The following ZNF385B variants were observed in gnomAD, a reference collection of about 807,000 sequenced individuals.
The protein encoded by ZNF385B is zinc finger protein 385B, also known as zinc finger protein 533.
ZNF385B carries 23 observed loss-of-function variants against 39.2 expected under a neutral mutation model. That is an observed-to-expected ratio of 0.59 (90% CI 0.42 to 0.83). The LOEUF is 0.83. Among genes scored for constraint, ZNF385B ranks in the 40% least tolerant of loss-of-function variants. ZNF385B has a pLI of 0.00. For missense variants in ZNF385B, 552 were observed against 598.9 expected (o/e 0.92, Z 0.82); for synonymous variants, 205 against 222.6 (o/e 0.92, Z 0.70).
chr2:179,790,445 T>G (rs1575495691), intron 1 of ZNF385B, among the ~76,000 whole-genome samples: 1 of 152,116 alleles, frequency 6.6e-6, no homozygotes, highest in Non-Finnish European at 1.5e-5. Flanking sequence ...CCCAGGCCTG[T>G]AGTGTCTGAT....
At chr2:179,781,151 A>C (rs1704640721) in intron 1 of ZNF385B, among the ~76,000 whole-genome samples, 1 of 152,222 alleles carries the variant, frequency 6.6e-6, no homozygotes. Flanking sequence ...CATGATTCTG[A>C]AATGTATATA....
intron 1 of ZNF385B, among the ~76,000 whole-genome samples, chr2:179,772,938 T>C (rs1367479965): frequency 2.0e-5 from 3 of 152,166 alleles, no homozygotes; most frequent in Non-Finnish European, 4.4e-5. Context: ...ACCAACAACT[T>C]AACATTCATA....
At chr2:179,617,782 G>A (rs1048892940) in intron 3 of ZNF385B, among the ~76,000 whole-genome samples, 3 of 152,094 alleles carry the variant, frequency 2.0e-5, no homozygotes, top group Non-Finnish European at 4.4e-5. Context: ...CATACTGGTG[G>A]GGGTTGGGCT....
In ZNF385B at chr2:179,631,189, G is replaced by A. The variant is rs1186529247; in HGVS notation, c.299-86220C>T. Among the ~76,000 whole-genome samples the A allele has an allele frequency of 5.3e-5, 8 of 152,190 alleles. No homozygotes were observed. The East Asian group carries it at 1.2e-3, about 22-fold the overall frequency. ...AGAGAACACCACAAAGATACTCCTCGACACGAGCAACCACAGGACATGTAA... is the reference window on the plus strand; with the variant it reads ...AGAGAACACCACAAAGATACTCCTCAACACGAGCAACCACAGGACATGTAA... On this transcript the variant is annotated intron_variant, in intron 3 of 9. Coordinates refer to ENST00000410066, the MANE Select transcript of ZNF385B (RefSeq NM_152520.6).
intron 1 of ZNF385B, among the ~76,000 whole-genome samples, chr2:179,771,494 A>T (rs1704010108): frequency 6.6e-6 from 1 of 151,626 alleles, no homozygotes. Flanking sequence ...AAAATTTTCC[A>T]AGTCAATCTA....
At chr2:179,519,710 C>T (rs1421650410) in intron 4 of ZNF385B, among the ~76,000 whole-genome samples, 1 of 152,020 alleles carries the variant, frequency 6.6e-6, no homozygotes, top group Non-Finnish European at 1.5e-5. Context: ...AGATGATGAG[C>T]AAAACATTAC....
intron 3 of ZNF385B, among the ~76,000 whole-genome samples, chr2:179,581,494 T>G (rs1176132870): frequency 6.6e-6 from 1 of 152,326 alleles, no homozygotes; most frequent in South Asian, 2.1e-4. Flanking sequence ...TCTGAGTGAT[T>G]TAAAAGTCAT....
At chr2:179,542,199 A>G (rs1007178548) in intron 4 of ZNF385B, among the ~76,000 whole-genome samples, 13 of 152,178 alleles carry the variant, frequency 8.5e-5, no homozygotes, top group Non-Finnish European at 7.4e-5. Flanking sequence ...AAGAATTAAG[A>G]GTAATTTAAA....
intron 3 of ZNF385B, among the ~76,000 whole-genome samples, chr2:179,720,793 C>T (rs1700638248): frequency 6.6e-6 from 1 of 151,910 alleles, no homozygotes; most frequent in Non-Finnish European, 1.5e-5. Context: ...ACAGAGTTTG[C>T]TCTGACACCC....
intron 3 of ZNF385B, among the ~76,000 whole-genome samples, chr2:179,587,878 C>G (rs933605899): frequency 1.3e-5 from 2 of 152,136 alleles, no homozygotes; most frequent in African/African-American, 4.8e-5. Flanking sequence ...AATAATAAGT[C>G]CCGTTCTTTA....
At chr2:179,498,669 T>C (rs1023148443) in intron 5 of ZNF385B, among the ~76,000 whole-genome samples, 1 of 151,884 alleles carries the variant, frequency 6.6e-6, no homozygotes, top group Non-Finnish European at 1.5e-5. Flanking sequence ...ACCCAAACCA[T>C]GGGATACTGC....
intron 3 of ZNF385B, among the ~76,000 whole-genome samples, chr2:179,662,193 TG>T: frequency 6.6e-6 from 1 of 152,250 alleles, no homozygotes; most frequent in Non-Finnish European, 1.5e-5. Context: ...GAGGAAGCTG[TG>T]GTATATACAA....
intron 3 of ZNF385B, among the ~76,000 whole-genome samples, chr2:179,566,087 T>C (rs1020678873): frequency 7.2e-5 from 11 of 152,196 alleles, no homozygotes; most frequent in Admixed American, 7.2e-4. Context: ...GGGAATAGCA[T>C]CTGTGTTTTT....
intron 3 of ZNF385B, among the ~76,000 whole-genome samples, chr2:179,681,472 G>T (rs973735195): frequency 1.3e-5 from 2 of 152,044 alleles, no homozygotes; most frequent in African/African-American, 4.8e-5. Context: ...AAGTATGAAA[G>T]AAAAATAAGT....
intron 4 of ZNF385B, among the ~76,000 whole-genome samples, chr2:179,521,523 A>G (rs2058506694): frequency 6.6e-6 from 1 of 151,650 alleles, no homozygotes; most frequent in Non-Finnish European, 1.5e-5. Flanking sequence ...TTCTGCCCAA[A>G]TCTCACATTT....
At chr2:179,551,939 C>T (rs189217393) in intron 3 of ZNF385B, among the ~76,000 whole-genome samples, 1 of 132,392 alleles carries the variant, frequency 7.6e-6, no homozygotes, top group East Asian at 1.9e-4. Flanking sequence ...TATGAATTCC[C>T]ATTAGAATGT....
At chr2:179,545,121 A>T (rs1559448966) in intron 3 of ZNF385B, 152 bp from the exon 4 acceptor site, 1 of 864,924 alleles carries the variant, frequency 1.2e-6, no homozygotes, top group East Asian at 2.6e-5. Flanking sequence ...TAGTAAACAC[A>T]ATAAAAAGGA....
intron 3 of ZNF385B, among the ~76,000 whole-genome samples, chr2:179,634,806 A>G (rs967043982): frequency 1.3e-5 from 2 of 152,112 alleles, no homozygotes; most frequent in African/African-American, 4.8e-5. Flanking sequence ...ACCAACCCAG[A>G]TGTCCCTCAA....
At chr2:179,830,124 C>T (rs555787409) in intron 1 of ZNF385B, among the ~76,000 whole-genome samples, 2 of 152,346 alleles carry the variant, frequency 1.3e-5, no homozygotes, top group Admixed American at 1.3e-4. Flanking sequence ...CGTATCATGT[C>T]ACTGGGGAGA....
Sources: gnomAD v4.1 joint callset for allele counts (sites outside exome capture counted in the v4.1 genomes callset) on GRCh38, gnomAD v4.1.1 for gene constraint, MANE v1.5 for transcripts, NCBI Gene and HGNC (gene_info 2026-07-23, HGNC 2026-07-21) for gene names.